Variants in PTPRG observed in about 807,000 individuals in gnomAD.
The protein encoded by PTPRG is receptor-type tyrosine-protein phosphatase gamma.
PTPRG carries 102 observed loss-of-function variants against 165.3 expected under a neutral mutation model. The observed-to-expected ratio is 0.62, with a 90% CI of 0.53 to 0.73. The LOEUF (loss-of-function observed/expected upper bound fraction) is 0.73, where lower values mean the gene tolerates loss of function less well. PTPRG is among the 30% of genes least tolerant of loss of function. PTPRG has a pLI of 0.00. For missense variants in PTPRG, 1,866 were observed against 1,861.4 expected (o/e 1.00, Z -0.05); for synonymous variants, 675 against 669.5 (o/e 1.01, Z -0.13).
At chr3:62,062,471 G>A (rs1700849270) in intron 4 of PTPRG, among the ~76,000 whole-genome samples, 1 of 152,064 alleles carries the variant, frequency 6.6e-6, no homozygotes, top group Non-Finnish European at 1.5e-5. Context: ...TAAAATGTTG[G>A]GGGGAAAGCA....
intron 2 of PTPRG, among the ~76,000 whole-genome samples, chr3:61,756,473 C>G (rs1345385987): frequency 6.6e-6 from 1 of 152,130 alleles, no homozygotes; most frequent in East Asian, 1.9e-4. Flanking sequence ...GCTTAAGGTA[C>G]CTGGAGAATT....
At chr3:62,032,150 TGG>T (rs1021950689) in intron 4 of PTPRG, among the ~76,000 whole-genome samples, 4 of 152,172 alleles carry the variant, frequency 2.6e-5, no homozygotes, top group African/African-American at 9.7e-5. Flanking sequence ...GGAAGGTAGA[TGG>T]GCCTGCAGAG....
At chr3:62,104,037 T>A (rs1310314316) in intron 5 of PTPRG, among the ~76,000 whole-genome samples, 1 of 152,150 alleles carries the variant, frequency 6.6e-6, no homozygotes, top group Non-Finnish European at 1.5e-5. Context: ...TAGCTCAGGG[T>A]CTAGAGTATT....
At chr3:61,892,770 C>A (rs146225552) in intron 2 of PTPRG, among the ~76,000 whole-genome samples, 1 of 150,782 alleles carries the variant, frequency 6.6e-6, no homozygotes, top group Non-Finnish European at 1.5e-5. Context: ...GAGCCGAGAT[C>A]GTGTCATTGC....
rs1484472337 is a variant in PTPRG, at chr3:62,292,924, A to G, written c.4192-237A>G. ...ATTAACCAATAATGATTGTTCATTA[A>G]CAATCAGCACTGAGAATTGGTTCCA... On this transcript the variant is annotated intron_variant, in intron 29 of 29. Coordinates refer to ENST00000474889, the MANE Select transcript of PTPRG (RefSeq NM_002841.4). Among the ~76,000 whole-genome samples, 3 of 152,192 alleles carry G rather than the reference A, an allele frequency of 2.0e-5. No homozygotes were observed. The East Asian group carries it at 5.8e-4, about 29-fold the overall frequency.
chr3:61,742,602 A>C lies in PTPRG; in HGVS notation c.86-6276A>C. The C allele has an allele frequency of 1.9e-6, 3 of 1,601,100 alleles. No individual in the cohort carries two copies. The South Asian group carries it at 3.3e-5, about 18-fold the overall frequency. ...CATCGGCTGTCATCTTCACGTGACCAACAGCTACAGCCAGACATAACACCT... is the reference window on the plus strand; with the variant it reads ...CATCGGCTGTCATCTTCACGTGACCCACAGCTACAGCCAGACATAACACCT... On this transcript the variant is annotated intron_variant, in intron 1 of 29. Coordinates refer to ENST00000474889, the MANE Select transcript of PTPRG (RefSeq NM_002841.4).
intron 17 of PTPRG, chr3:62,263,770 T>G (rs1034083690): frequency 3.3e-5 from 5 of 152,250 alleles, no homozygotes; most frequent in Admixed American, 2.6e-4. Context: ...CCCAGCACTT[T>G]CGGAGGCCGA....
chr3:61,612,859 TTGTGTG>T (rs57134478), intron 1 of PTPRG, among the ~76,000 whole-genome samples: 72,723 of 150,190 alleles, frequency 0.48, 17,535 homozygotes, highest in East Asian at 0.52. Context: ...TGGAATTAAT[TTGTGTG>T]TGTGTGTGTG....
At chr3:62,070,556 C>T (rs1701175752) in intron 4 of PTPRG, among the ~76,000 whole-genome samples, 1 of 152,244 alleles carries the variant, frequency 6.6e-6, no homozygotes, top group Non-Finnish European at 1.5e-5. Flanking sequence ...GTCCTGCGTG[C>T]ATACATCTTT....
intron 5 of PTPRG, chr3:62,124,122 A>T: frequency 1.8e-6 from 1 of 568,824 alleles, no homozygotes; most frequent in Non-Finnish European, 3.1e-6. Context: ...GAAATGGTTG[A>T]AAAATAAGTT....
chr3:61,851,010 G>T (rs2036948232), intron 2 of PTPRG, among the ~76,000 whole-genome samples: 1 of 152,210 alleles, frequency 6.6e-6, no homozygotes, highest in Admixed American at 6.5e-5. Flanking sequence ...AAGATTCTTA[G>T]AATGTTAACG....
chr3:61,737,608 C>T (rs557969693), intron 1 of PTPRG, among the ~76,000 whole-genome samples: 1 of 152,114 alleles, frequency 6.6e-6, no homozygotes, highest in South Asian at 2.1e-4. Context: ...CAACCTGGCT[C>T]TGGAAGTCAG....
At chr3:61,792,667 GTTTTCTTTCTTTCTTTCTTT>G (rs1559614419) in intron 2 of PTPRG, among the ~76,000 whole-genome samples, 9 of 146,920 alleles carry the variant, frequency 6.1e-5, no homozygotes, top group South Asian at 4.4e-4. Context: ...TTTTTTGTGG[GTTTTCTTTCTTTCTTTCTTT>G]CTTTCTTTCT....
At chr3:62,112,150 G>C (rs1315180935) in intron 5 of PTPRG, among the ~76,000 whole-genome samples, 1 of 151,960 alleles carries the variant, frequency 6.6e-6, no homozygotes, top group Non-Finnish European at 1.5e-5. Flanking sequence ...GCCCACGCTG[G>C]AGTGCAGTGG....
intron 2 of PTPRG, among the ~76,000 whole-genome samples, chr3:61,861,120 G>A (rs964333013): frequency 6.6e-6 from 1 of 152,040 alleles, no homozygotes; most frequent in African/African-American, 2.4e-5. Flanking sequence ...CCAAATTGTT[G>A]AAGATATCAA....
intron 2 of PTPRG, among the ~76,000 whole-genome samples, chr3:61,877,389 C>G (rs1297367277): frequency 2.6e-5 from 4 of 152,122 alleles, no homozygotes; most frequent in Non-Finnish European, 5.9e-5. Flanking sequence ...GTTTTTAACT[C>G]TGGTGCAAAT....
intron 4 of PTPRG, among the ~76,000 whole-genome samples, chr3:62,070,451 C>T (rs1465320808): frequency 6.6e-6 from 1 of 152,194 alleles, no homozygotes; most frequent in Non-Finnish European, 1.5e-5. Flanking sequence ...CCACTTAGAG[C>T]TCCCACTCAT....
chr3:61,941,578 G>A (rs1306912972), intron 2 of PTPRG, among the ~76,000 whole-genome samples: 2 of 152,066 alleles, frequency 1.3e-5, no homozygotes, highest in Admixed American at 6.5e-5. Context: ...AGCCGAGAGC[G>A]CCACTGCACT....
At chr3:61,982,569 C>T (rs982765039) in intron 2 of PTPRG, among the ~76,000 whole-genome samples, 9 of 152,166 alleles carry the variant, frequency 5.9e-5, no homozygotes, top group African/African-American at 1.7e-4. Flanking sequence ...TCATATTATA[C>T]ACCCATGCGG....
Sources: gnomAD v4.1 joint callset for allele counts (sites outside exome capture counted in the v4.1 genomes callset) on GRCh38, gnomAD v4.1.1 for gene constraint, MANE v1.5 for transcripts, NCBI Gene and HGNC (gene_info 2026-07-23, HGNC 2026-07-21) for gene names.